Variants in RARB observed in about 807,000 individuals in gnomAD.
RARB encodes the protein retinoic acid receptor beta.
A neutral mutation model predicts 51.9 loss-of-function variants in RARB; 17 were observed. The observed-to-expected ratio is 0.33, with a 90% CI of 0.22 to 0.49. The LOEUF (loss-of-function observed/expected upper bound fraction) is 0.49, where lower values mean the gene tolerates loss of function less well. Ranked by LOEUF, RARB falls within the 20% of genes least tolerant of loss-of-function variation. The pLI, the probability that RARB is intolerant of heterozygous loss-of-function variation, is 0.99. For missense variants in RARB, 369 were observed against 550.8 expected (o/e 0.67, Z 3.30); for synonymous variants, 215 against 195.4 (o/e 1.10, Z -0.84).
intron 2 of RARB, among the ~76,000 whole-genome samples, chr3:24,889,538 C>A (rs1703335068): frequency 1.3e-5 from 2 of 152,106 alleles, no homozygotes; most frequent in African/African-American, 4.8e-5. Context: ...TGGTACACAT[C>A]TTTGCCAATT....
chr3:24,863,340 G>A lies in RARB; in HGVS notation c.-380+4588G>A, dbSNP rs530646329. ...GAGGAATTCATGTGAGCTTGGTGAT[G>A]ACAATTCCCTGTCTATAAAACGCTG... On this transcript the variant is annotated intron_variant, in intron 2 of 11. Transcript: ENST00000383772. Among the ~76,000 whole-genome samples the A allele has an allele frequency of 1.8e-4, 27 of 152,290 alleles. 1 individual carries two copies. The South Asian group carries it at 5.6e-3, about 32-fold the overall frequency.
intron 2 of RARB, among the ~76,000 whole-genome samples, chr3:25,025,850 C>T (rs557587148): frequency 6.6e-6 from 1 of 152,122 alleles, no homozygotes; most frequent in South Asian, 2.1e-4. Context: ...TTGCAAAACG[C>T]ATTATAAGGA....
chr3:24,936,927 C>G (rs1424645805), intron 2 of RARB, among the ~76,000 whole-genome samples: 1 of 152,078 alleles, frequency 6.6e-6, no homozygotes, highest in Non-Finnish European at 1.5e-5. Context: ...GCCAAAATTC[C>G]AAAGGAAAAG....
At chr3:25,210,754 C>G (rs1365960526) in intron 5 of RARB, among the ~76,000 whole-genome samples, 1 of 151,622 alleles carries the variant, frequency 6.6e-6, no homozygotes, top group Admixed American at 6.6e-5. Context: ...ATGCTGGTCT[C>G]GAACTCCTGA....
chr3:25,395,948 AC>A (rs1167603122), intron 5 of RARB, among the ~76,000 whole-genome samples: 6 of 152,278 alleles, frequency 3.9e-5, no homozygotes, highest in Non-Finnish European at 7.4e-5. Context: ...TTGTCATATC[AC>A]CAGCATCTTT....
chr3:25,478,087 C>T (rs1696047977), intron 2 of RARB, among the ~76,000 whole-genome samples: 1 of 152,080 alleles, frequency 6.6e-6, no homozygotes, highest in Non-Finnish European at 1.5e-5. Context: ...TACATGGGGG[C>T]TCAGAGGTCC....
At chr3:24,975,705 A>G (rs116487899) in intron 2 of RARB, among the ~76,000 whole-genome samples, 1,534 of 152,238 alleles carry the variant, frequency 0.01, 8 homozygotes, top group Middle Eastern at 0.02. Context: ...TTAGGTAAAA[A>G]TAATCGCTTG....
intron 5 of RARB, among the ~76,000 whole-genome samples, chr3:25,324,940 T>C (rs1011851924): frequency 6.6e-6 from 1 of 152,308 alleles, no homozygotes; most frequent in South Asian, 2.1e-4. Context: ...AGAGCGTTCT[T>C]AGATCTCATG....
intron 2 of RARB, among the ~76,000 whole-genome samples, chr3:24,955,941 G>T (rs966484772): frequency 1.2e-4 from 19 of 152,118 alleles, no homozygotes; most frequent in African/African-American, 4.3e-4. Context: ...CTTCTCTTGA[G>T]GCTGACCTGG....
intron 2 of RARB, among the ~76,000 whole-genome samples, chr3:24,872,080 T>C (rs1702959069): frequency 6.6e-6 from 1 of 152,186 alleles, no homozygotes; most frequent in Admixed American, 6.5e-5. Context: ...TGACACTTCT[T>C]AAAGTCCTCG....
chr3:24,871,291 A>G (rs4521187), intron 2 of RARB, among the ~76,000 whole-genome samples: 12,404 of 152,226 alleles, frequency 0.081, 863 homozygotes, highest in African/African-American at 0.18. Context: ...TTTAAAGAAT[A>G]TATATTGAGA....
At chr3:25,330,374 A>G (rs1247497805) in intron 5 of RARB, among the ~76,000 whole-genome samples, 2 of 152,218 alleles carry the variant, frequency 1.3e-5, no homozygotes, top group Admixed American at 1.3e-4. Flanking sequence ...ATTCTTAAAG[A>G]AAAGAATTTT....
At chr3:25,127,234 A>G (rs1002091264) in intron 3 of RARB, among the ~76,000 whole-genome samples, 1 of 152,088 alleles carries the variant, frequency 6.6e-6, no homozygotes. Context: ...TGTGGCATAC[A>G]AGAGATACCT....
At chr3:25,125,503 C>CA in intron 3 of RARB, among the ~76,000 whole-genome samples, 1 of 152,116 alleles carries the variant, frequency 6.6e-6, no homozygotes, top group South Asian at 2.1e-4. Context: ...ATAACCAGGG[C>CA]AAAAATTGAT....
At position 25,593,529 on chromosome 3, in the gene RARB, C is replaced by G. The variant is rs778158351; in HGVS notation, c.813C>G (p.Thr271=). ...ILILRICTRY[T]PEQDTMTFSD... is the part of the protein sequence containing the mutation. ...TTCTTAGAATTTGCACCAGGTATACCCCAGAACAAGACACCATGACTTTCT... is the reference window on the plus strand; with the variant it reads ...TTCTTAGAATTTGCACCAGGTATACGCCAGAACAAGACACCATGACTTTCT... The change falls in exon 6 of 8, where the codon ACC becomes ACG. Residue 271 remains threonine (T), a synonymous_variant. Coordinates refer to ENST00000330688, the MANE Select transcript of RARB (RefSeq NM_000965.5). 2.5e-6 allele frequency: 4 copies of G among 1,613,690 alleles called. No individual in the cohort carries two copies. The Admixed American group carries it at 5.0e-5, about 20-fold the overall frequency.
At chr3:24,864,823 T>C (rs1246935796) in intron 2 of RARB, among the ~76,000 whole-genome samples, 1 of 152,194 alleles carries the variant, frequency 6.6e-6, no homozygotes, top group Admixed American at 6.5e-5. Context: ...TCCCAGAACA[T>C]CAAAAGCATT....
At chr3:25,260,037 C>T (rs1702958776) in intron 5 of RARB, 2 of 972,136 alleles carry the variant, frequency 2.1e-6, no homozygotes, top group African/African-American at 1.8e-5. Flanking sequence ...TCTCCTTCCC[C>T]CATGGTGTGA....
intron 5 of RARB, among the ~76,000 whole-genome samples, chr3:25,369,550 C>A (rs898227266): frequency 6.6e-6 from 1 of 152,202 alleles, no homozygotes; most frequent in Non-Finnish European, 1.5e-5. Flanking sequence ...AAAATGAATA[C>A]CTATTCCAGA....
At chr3:25,074,143 T>C (rs1698825365) in intron 3 of RARB, among the ~76,000 whole-genome samples, 2 of 152,194 alleles carry the variant, frequency 1.3e-5, no homozygotes, top group Non-Finnish European at 2.9e-5. Context: ...AAAGTGTATG[T>C]TTTCAATTCA....
Sources: gnomAD v4.1 joint callset for allele counts (sites outside exome capture counted in the v4.1 genomes callset) on GRCh38, gnomAD v4.1.1 for gene constraint, MANE v1.5 for transcripts, NCBI Gene and HGNC (gene_info 2026-07-23, HGNC 2026-07-21) for gene names.